The following MECOM variants were observed in gnomAD, a reference collection of about 807,000 sequenced individuals.
MECOM encodes the protein MDS1 and EVI1 complex locus.
In MECOM, 13 loss-of-function variants were observed where a neutral mutation model predicts 116.3. That is an observed-to-expected ratio of 0.11 (90% CI 0.07 to 0.18). MECOM has a LOEUF of 0.18. Among genes scored for constraint, MECOM ranks in the 10% least tolerant of loss-of-function variants. The pLI is 1.00. For missense variants in MECOM, 1,299 were observed against 1,509.0 expected (o/e 0.86, Z 2.31); for synonymous variants, 528 against 535.2 (o/e 0.99, Z 0.19).
At chr3:169,386,941 T>G (rs894643441) in intron 1 of MECOM, among the ~76,000 whole-genome samples, 2 of 152,210 alleles carry the variant, frequency 1.3e-5, no homozygotes, top group Non-Finnish European at 2.9e-5. Flanking sequence ...TCATTCAAAC[T>G]TCTTTATTTG....
chr3:169,412,990 T>C (rs1334419871), intron 1 of MECOM, among the ~76,000 whole-genome samples: 5 of 152,246 alleles, frequency 3.3e-5, no homozygotes, highest in Non-Finnish European at 7.3e-5. Context: ...ACCCCTGCAC[T>C]TTATTCAAAT....
rs1000834591 is a variant in MECOM, at chr3:169,378,532, A to G, written c.375+2655T>C. Reference sequence around the variant, plus strand: ...AAGAAAGAAAAGAAAGAAAGAAAGAAAGAAAGAAAGAAAGAAAGAAAGAAA... The same window carrying G: ...AAGAAAGAAAAGAAAGAAAGAAAGAGAGAAAGAAAGAAAGAAAGAAAGAAA... On this transcript the variant is annotated intron_variant, in intron 2 of 16. Coordinates refer to ENST00000651503, the MANE Select transcript of MECOM (RefSeq NM_004991.4). 1.7e-3 allele frequency among the ~76,000 whole-genome samples: 156 copies of G among 93,134 alleles called. 16 individuals carry two copies. Among genetic ancestry groups the G allele is most frequent in the African/African-American group, 5.0e-3 (103 of 20,684 alleles). The allele number at this position is 93,134 out of a possible 152,430, so 61.1% of individuals were successfully genotyped here. A position where few individuals can be genotyped will look rare whatever the true frequency, so the allele number is the denominator to read the frequency against.
chr3:169,661,684 A>C (rs576254583), intron 1 of MECOM, among the ~76,000 whole-genome samples: 18 of 152,326 alleles, frequency 1.2e-4, no homozygotes, highest in African/African-American at 4.1e-4. Flanking sequence ...ATGCCCGCGA[A>C]GCCGAGCCTG....
At chr3:169,510,777 C>T (rs1022880310) in intron 1 of MECOM, among the ~76,000 whole-genome samples, 3 of 152,138 alleles carry the variant, frequency 2.0e-5, no homozygotes, top group East Asian at 3.8e-4. Context: ...CTAATCTCTG[C>T]GGACACATTT....
chr3:169,636,525 T>C (rs1388838302), intron 1 of MECOM, among the ~76,000 whole-genome samples: 1 of 152,214 alleles, frequency 6.6e-6, no homozygotes, highest in Non-Finnish European at 1.5e-5. Context: ...TTTGTTCTAA[T>C]GAATCTAAGG....
intron 1 of MECOM, among the ~76,000 whole-genome samples, chr3:169,448,900 T>A (rs1038172620): frequency 2.6e-5 from 4 of 152,180 alleles, no homozygotes; most frequent in African/African-American, 2.4e-5. Flanking sequence ...TACATTTGGC[T>A]TCAGGTACAC....
At chr3:169,509,410 T>C (rs552990150) in intron 1 of MECOM, among the ~76,000 whole-genome samples, 61 of 152,334 alleles carry the variant, frequency 4.0e-4, no homozygotes, top group African/African-American at 1.4e-3. Context: ...ATTAAGTACC[T>C]TCACACTGTT....
At chr3:169,545,560 A>G (rs1412895734) in intron 1 of MECOM, among the ~76,000 whole-genome samples, 3 of 152,236 alleles carry the variant, frequency 2.0e-5, no homozygotes, top group African/African-American at 4.8e-5. Context: ...TAAATGAATA[A>G]TAACTTTTTT....
intron 1 of MECOM, among the ~76,000 whole-genome samples, chr3:169,556,641 G>A (rs1560428330): frequency 6.6e-6 from 1 of 152,144 alleles, no homozygotes; most frequent in East Asian, 1.9e-4. Flanking sequence ...AAGTGTCAGT[G>A]TGTGACCCAG....
chr3:169,443,731 G>T (rs1744125860), intron 1 of MECOM, among the ~76,000 whole-genome samples: 1 of 152,142 alleles, frequency 6.6e-6, no homozygotes, highest in Non-Finnish European at 1.5e-5. Flanking sequence ...GACAGTGCTG[G>T]GTCTGATGCT....
intron 2 of MECOM, among the ~76,000 whole-genome samples, chr3:169,349,061 CCT>C (rs1375282156): frequency 6.6e-6 from 1 of 150,932 alleles, no homozygotes; most frequent in African/African-American, 2.4e-5. Flanking sequence ...CATTCCCCTC[CCT>C]CTCATCCTCC....
intron 2 of MECOM, among the ~76,000 whole-genome samples, chr3:169,347,536 A>G (rs1487282848): frequency 6.6e-6 from 1 of 152,026 alleles, no homozygotes; most frequent in African/African-American, 2.4e-5. Flanking sequence ...ATTTTACTAT[A>G]TGCATGTGTT....
chr3:169,302,789 A>C (rs1200259817), intron 2 of MECOM, among the ~76,000 whole-genome samples: 1 of 152,002 alleles, frequency 6.6e-6, no homozygotes, highest in East Asian at 1.9e-4. Flanking sequence ...AGTTGAACCC[A>C]GGAGACAGAG....
Position 169,382,879 on chromosome 3 carries a change from A to AAAAAAAAAAAAGAAG in MECOM, c.38-1356_38-1355insCTTCTTTTTTTTTTT, listed in dbSNP as rs1358767356. On this transcript the variant is annotated intron_variant, in intron 1 of 16. Transcript: ENST00000651503. ...AAAAAAAAAAATAAAAAAAATAAAA[A>AAAAAAAAAAAAGAAG]AAGAAGGTAAAATGGGTTGCCTCCA... Among the ~76,000 whole-genome samples, 257 of 138,420 alleles carry AAAAAAAAAAAAGAAG rather than the reference A, an allele frequency of 1.9e-3. 2 individuals are homozygous for AAAAAAAAAAAAGAAG. The highest frequency in any genetic ancestry group is 2.9e-3 in the South Asian group (12 of 4,156). The allele number at this position is 138,420 out of a possible 152,430, so 90.8% of individuals were successfully genotyped here. A position where few individuals can be genotyped will look rare whatever the true frequency, so the allele number is the denominator to read the frequency against.
chr3:169,485,421 T>C (rs894379907), intron 1 of MECOM, among the ~76,000 whole-genome samples: 8 of 152,190 alleles, frequency 5.3e-5, no homozygotes, highest in Non-Finnish European at 8.8e-5. Flanking sequence ...AAATTTACCT[T>C]AGAGATAATT....
chr3:169,647,360 C>T (rs954649187), intron 1 of MECOM, among the ~76,000 whole-genome samples: 7 of 152,146 alleles, frequency 4.6e-5, no homozygotes, highest in Non-Finnish European at 7.4e-5. Flanking sequence ...CCTTGACTGG[C>T]GTTATTACTT....
chr3:169,420,506 G>C (rs1160269362), intron 1 of MECOM, among the ~76,000 whole-genome samples: 1 of 152,094 alleles, frequency 6.6e-6, no homozygotes, highest in East Asian at 1.9e-4. Context: ...ATGTAGCAGT[G>C]GTTTCTTTTT....
chr3:169,378,514 AAAAGAAAGAAAG>A (rs1159428318), intron 2 of MECOM, among the ~76,000 whole-genome samples: 646 of 26,850 alleles, frequency 0.024, 36 homozygotes, highest in Non-Finnish European at 0.03. Context: ...AGAAAGAAAG[AAAAGAAAGAAAG>A]AAAGAAAGAA....
At chr3:169,551,158 CA>C (rs1412635984) in intron 1 of MECOM, among the ~76,000 whole-genome samples, 1 of 152,096 alleles carries the variant, frequency 6.6e-6, no homozygotes, top group Admixed American at 6.6e-5. Context: ...AACGAGTTGA[CA>C]ATTGATTACA....
Sources: gnomAD v4.1 joint callset for allele counts (sites outside exome capture counted in the v4.1 genomes callset) on GRCh38, gnomAD v4.1.1 for gene constraint, MANE v1.5 for transcripts, NCBI Gene and HGNC (gene_info 2026-07-23, HGNC 2026-07-21) for gene names.